Variants in ARHGEF1 observed in about 807,000 individuals in gnomAD.
ARHGEF1 encodes 115 kDa guanine nucleotide exchange factor.
A neutral mutation model predicts 119.7 loss-of-function variants in ARHGEF1; 40 were observed. That is an observed-to-expected ratio of 0.33 (90% CI 0.26 to 0.44). ARHGEF1 has a LOEUF of 0.44. ARHGEF1 is among the 20% of genes least tolerant of loss of function. The pLI, the probability that ARHGEF1 is intolerant of heterozygous loss-of-function variation, is 1.00. For missense variants in ARHGEF1, 976 were observed against 1,268.3 expected, an observed-to-expected ratio of 0.77 and a Z score of 3.50; for synonymous variants, 494 against 521.0, an observed-to-expected ratio of 0.95 and a Z score of 0.71.
At chr19:41,929,382 C>T (rs880002725) in intron 2 of ARHGEF1, among the ~76,000 whole-genome samples, 16 of 152,166 alleles carry the variant, frequency 1.1e-4, no homozygotes, top group African/African-American at 3.9e-4. Context: ...GGCACACACA[C>T]GCACACCTAC....
chr19:41,891,960 C>A, intron 4 of ARHGEF1, 65 bp from the exon 5 acceptor site: 1 of 1,408,006 alleles, frequency 7.1e-7, no homozygotes, highest in South Asian at 1.3e-5. Flanking sequence ...AGGCCCTTTT[C>A]AAAGGGAGAG....
Position 41,894,265 on chromosome 19 carries a change from A to G in ARHGEF1, c.703A>G (p.Ser235Gly). Residue 235 changes from serine to glycine, a missense_variant, in exon 9 of 29, where the codon AGT (serine) becomes GGT (glycine). Ser to Gly is a moderately conservative substitution (Grantham distance 56, BLOSUM62 0). This residue lies in a region of ARHGEF1 where 519 missense variants were observed against 580.9 expected (regional missense o/e 0.89). Transcript: ENST00000354532. ...GCGCCACCTTGGGGTGCGGACCAAG[A>G]GTGGAGACAAGAAGTCGGGGAGGAA... ...YMRHLGVRTKSGDKKSGRNFF... is the reference protein window; with the variant it reads ...YMRHLGVRTKGGDKKSGRNFF... The G allele has an allele frequency of 6.4e-7, 1 of 1,572,602 alleles. No homozygotes were observed. The highest frequency in any genetic ancestry group is 8.7e-7 in the Non-Finnish European group (1 of 1,154,594).
At chr19:41,910,881 G>A (rs1555851186), downstream of ARHGEF1, among the ~76,000 whole-genome samples, 5 of 152,114 alleles carry the variant, frequency 3.3e-5, no homozygotes, top group Admixed American at 6.5e-5. This position sits in a 1 kb window ranked among gnomAD's most constrained non-coding sequence, Gnocchi z 4.4. Flanking sequence ...GGCTGCGCAA[G>A]ACTCAAGGTC....
At position 41,888,413 on chromosome 19, in the gene ARHGEF1, T is replaced by G; in HGVS notation, c.111+135T>G. On this transcript the variant is annotated intron_variant, in intron 3 of 28. Transcript: ENST00000354532. The surrounding 1 kb of genome is among the most constrained non-coding windows in gnomAD (Gnocchi z 5.1). Reference sequence around the variant, plus strand: ...ATCCTCTCATCTCCCTGGTACCTCCTTCCTCACCTCGCCGACCCCACACAG... The same window carrying G: ...ATCCTCTCATCTCCCTGGTACCTCCGTCCTCACCTCGCCGACCCCACACAG... 1 of 852,818 alleles carries G rather than the reference T, an allele frequency of 1.2e-6. No individual in the cohort carries two copies. Among genetic ancestry groups the G allele is most frequent in the Non-Finnish European group, 1.8e-6 (1 of 546,946 alleles). 52.8% of individuals were successfully genotyped at this position (852,818 alleles called of 1,614,324 possible).
At chr19:41,925,289 A>AAG (rs146963282) in intron 1 of ARHGEF1, among the ~76,000 whole-genome samples, 2 of 151,936 alleles carry the variant, frequency 1.3e-5, no homozygotes, top group African/African-American at 2.4e-5. Flanking sequence ...CTTGTGCAGC[A>AAG]AGAGAGAGAG....
At position 41,903,689 on chromosome 19, in the gene ARHGEF1, C is replaced by A. The variant is rs992778862; in HGVS notation, c.1840-18C>A. The A allele has an allele frequency of 1.2e-5, 20 of 1,611,296 alleles. No homozygotes were observed. The highest frequency in any genetic ancestry group is 1.7e-5 in the Non-Finnish European group (20 of 1,179,812). On this transcript the variant is annotated intron_variant, in intron 19 of 28. Transcript: ENST00000354532. The surrounding 1 kb of genome is among the most constrained non-coding windows in gnomAD (Gnocchi z 4.2). ...CAGCACTTAGCTTGTCCCCATAATG[C>A]TCCCGTCTCTGCCCCAGAGGCTCAA...
chr19:41,915,776 C>G (rs1307479535), intron 18 of ARHGEF1, among the ~76,000 whole-genome samples: 1 of 152,214 alleles, frequency 6.6e-6, no homozygotes, highest in African/African-American at 2.4e-5. Flanking sequence ...CCCTGGCGCC[C>G]CCCTGGCCCC....
chr19:41,917,979 G>C lies in ARHGEF1; in HGVS notation c.1866-5113G>C, dbSNP rs2074812242. ...GTCCAGACTATAGCCACGTCCATGT[G>C]TACACAGAGCAGGCTCAGGGGCCGG... On this transcript the variant is annotated intron_variant, in intron 18 of 20. Transcript: ENST00000599589. The surrounding 1 kb of genome is among the most constrained non-coding windows in gnomAD (Gnocchi z 4.8). 6.6e-6 allele frequency among the ~76,000 whole-genome samples: 1 copy of C among 151,962 alleles called. No homozygotes were observed. The highest frequency in any genetic ancestry group is 2.4e-5 in the African/African-American group (1 of 41,290).
At position 41,906,780 on chromosome 19, in the gene ARHGEF1, CA is replaced by C; in HGVS notation, c.2734del (p.Thr912LeufsTer59). On this transcript the variant is annotated frameshift_variant, in exon 28 of 29. Transcript: ENST00000354532. LOFTEE classifies it high-confidence loss of function. This position sits in a 1 kb window ranked among gnomAD's most constrained non-coding sequence, Gnocchi z 4.5. ...GGAACTCTGTCCCCCAGCCTGGCTG[CA>C]CTTGAGGTTCCCGCCCAGGAAGGTG... ...GGNSVPQPGCT is the reference protein window; with the variant it reads ...GGNSVPQPGCX The C allele has an allele frequency of 6.2e-7, 1 of 1,610,784 alleles. No individual in the cohort carries two copies. The highest frequency in any genetic ancestry group is 8.5e-7 in the Non-Finnish European group (1 of 1,178,648).
At position 41,889,624 on chromosome 19, in the gene ARHGEF1, T is replaced by A. The variant is rs1305070630; in HGVS notation, c.225+759T>A. 6.6e-6 allele frequency: 1 copy of A among 152,402 alleles called. No homozygotes were observed. The highest frequency in any genetic ancestry group is 1.5e-5 in the Non-Finnish European group (1 of 68,156). The allele number at this position is 152,402 out of a possible 1,614,324, so 9.4% of individuals were successfully genotyped here. A position where few individuals can be genotyped will look rare whatever the true frequency, so the allele number is the denominator to read the frequency against. Reference sequence around the variant, plus strand: ...GACAGCCTGGGGACAGCCAGGGCACTGCACCATGTGGACATGCATAGTGGA... The same window carrying A: ...GACAGCCTGGGGACAGCCAGGGCACAGCACCATGTGGACATGCATAGTGGA... On this transcript the variant is annotated intron_variant, in intron 4 of 28. Coordinates refer to ENST00000354532, the MANE Select transcript of ARHGEF1 (RefSeq NM_004706.4). The surrounding 1 kb of genome is among the most constrained non-coding windows in gnomAD (Gnocchi z 4.0).
At chr19:41,897,401 G>A in intron 13 of ARHGEF1, 1 of 1,078,214 alleles carries the variant, frequency 9.3e-7, no homozygotes. Context: ...CTCTCCCCAT[G>A]GCCACTCCCT....
At position 41,888,073 on chromosome 19, in the gene ARHGEF1, G is replaced by A. The variant is rs781985669; in HGVS notation, c.-10G>A. On this transcript the variant is annotated 5_prime_UTR_variant, in exon 2 of 29. Coordinates refer to ENST00000354532, the MANE Select transcript of ARHGEF1 (RefSeq NM_004706.4). The surrounding 1 kb of genome is among the most constrained non-coding windows in gnomAD (Gnocchi z 5.1). ...CCTCCTCTTCCTCCAGCCCTGCAGAGCCCAGGGAGATGGAAGACTTCGCCC... is the reference window on the plus strand; with the variant it reads ...CCTCCTCTTCCTCCAGCCCTGCAGAACCCAGGGAGATGGAAGACTTCGCCC... 7.4e-6 allele frequency: 12 copies of A among 1,612,706 alleles called. No homozygotes were observed. The Admixed American group carries it at 1.8e-4, about 25-fold the overall frequency.
intron 1 of ARHGEF1, chr19:41,928,824 C>G (rs2074888707): frequency 4.5e-6 from 2 of 445,424 alleles, no homozygotes; most frequent in Non-Finnish European, 9.1e-6. Context: ...CCCCGCTCCT[C>G]CCTAAGTGGA....
rs547343524 is a variant in ARHGEF1, at chr19:41,896,396, G to C, written c.1035G>C (p.Glu345Asp). ...DREPGADAPL[E>D]LGDSSPQGPM... ...CCACAGGTGCTGACGCCCCCCTGGAGCTGGGGGACTCATCCCCGCAGGGCC... is the reference window on the plus strand; with the variant it reads ...CCACAGGTGCTGACGCCCCCCTGGACCTGGGGGACTCATCCCCGCAGGGCC... Residue 345 changes from glutamate (E) to aspartate (D), a missense_variant, in exon 13 of 29, where the codon GAG (glutamate) becomes GAC (aspartate). Glu to Asp is a conservative substitution (Grantham distance 45). Coordinates refer to ENST00000354532, the MANE Select transcript of ARHGEF1 (RefSeq NM_004706.4). The C allele has an allele frequency of 6.9e-7, 1 of 1,440,556 alleles. No homozygotes were observed. The highest frequency in any genetic ancestry group is 2.6e-5 in the East Asian group (1 of 39,092). 89.2% of individuals were successfully genotyped at this position (1,440,556 alleles called of 1,614,324 possible).
In ARHGEF1 at chr19:41,914,756, C is replaced by T. The variant is rs1477320749; in HGVS notation, c.1865+7953C>T. Among the ~76,000 whole-genome samples the T allele has an allele frequency of 2.0e-3, 56 of 28,386 alleles. 7 individuals carry two copies. Among genetic ancestry groups the T allele is most frequent in the Middle Eastern group, 0.01 (1 of 98 alleles). The allele number at this position is 28,386 out of a possible 152,430, so 18.6% of individuals were successfully genotyped here. On this transcript the variant is annotated intron_variant, in intron 18 of 20. Transcript: ENST00000599589. Reference sequence around the variant, plus strand: ...TCCACCATCTCTGTCTCTCCCTCCCCTTCCACCGTCTCTGTCTCTCCCTCC... The same window carrying T: ...TCCACCATCTCTGTCTCTCCCTCCCTTTCCACCGTCTCTGTCTCTCCCTCC...
At chr19:41,910,124 T>G, downstream of ARHGEF1, 1 of 1,596,760 alleles carries the variant, frequency 6.3e-7, no homozygotes, top group South Asian at 1.1e-5. The surrounding 1 kb of genome is among the most constrained non-coding windows in gnomAD (Gnocchi z 4.4). Flanking sequence ...GGGAGTGGCC[T>G]GGGGTCAGGA....
intron 14 of ARHGEF1, among the ~76,000 whole-genome samples, chr19:41,901,538 C>A (rs1357424316): frequency 6.6e-6 from 1 of 152,026 alleles, no homozygotes; most frequent in Non-Finnish European, 1.5e-5. Flanking sequence ...ACCTCCTGGG[C>A]TCAAGGGATC....
Position 41,907,086 on chromosome 19 carries a change from C to T in ARHGEF1, c.*18-19C>T, listed in dbSNP as rs1185517557. On this transcript the variant is annotated intron_variant, in intron 28 of 28. Coordinates refer to ENST00000354532, the MANE Select transcript of ARHGEF1 (RefSeq NM_004706.4). ...CTCTCCATCTCTCCCCGTCTCCCCT[C>T]TTCTCCTACATCCCCCAGGCCTTTT... The T allele has an allele frequency of 6.7e-7, 1 of 1,491,816 alleles. No homozygotes were observed. The highest frequency in any genetic ancestry group is 1.4e-5 in the African/African-American group (1 of 71,622). 92.4% of individuals were successfully genotyped at this position (1,491,816 alleles called of 1,614,324 possible).
In ARHGEF1 at chr19:41,888,051, C is replaced by G. The variant is rs782316276; in HGVS notation, c.-19-13C>G. The G allele has an allele frequency of 3.7e-5, 60 of 1,611,870 alleles. No homozygotes were observed. Among genetic ancestry groups the G allele is most frequent in the Middle Eastern group, 2.1e-4 (1 of 4,874 alleles). On this transcript the variant is annotated splice_polypyrimidine_tract_variant and intron_variant, in intron 1 of 28. Coordinates refer to ENST00000354532, the MANE Select transcript of ARHGEF1 (RefSeq NM_004706.4). This position sits in a 1 kb window ranked among gnomAD's most constrained non-coding sequence, Gnocchi z 5.1. Reference sequence around the variant, plus strand: ...TCCCACCCTCCTAACCACAGCCCCTCCTCTTCCTCCAGCCCTGCAGAGCCC... The same window carrying G: ...TCCCACCCTCCTAACCACAGCCCCTGCTCTTCCTCCAGCCCTGCAGAGCCC...
Sources: allele counts gnomAD v4.1 joint callset (sites outside exome capture counted in the v4.1 genomes callset), GRCh38; gene constraint gnomAD v4.1.1; regional missense constraint gnomAD v4.1.1; non-coding constraint Gnocchi (gnomAD v3.1); transcripts MANE v1.5; gene names NCBI Gene and HGNC (gene_info 2026-07-23, HGNC 2026-07-21).